MAP3K20: variants seen among roughly 807,000 people sequenced by gnomAD.
MAP3K20 encodes mitogen-activated protein kinase kinase kinase 20.
In MAP3K20, 40 loss-of-function variants were observed where a neutral mutation model predicts 85.7. The observed-to-expected ratio is 0.47, with a 90% CI of 0.36 to 0.61. MAP3K20 has a LOEUF of 0.61. MAP3K20 is among the 20% of genes least tolerant of loss of function. The pLI is 0.00. For missense variants in MAP3K20, 817 were observed against 961.7 expected, an observed-to-expected ratio of 0.85 and a Z score of 1.99; for synonymous variants, 325 against 327.7, an observed-to-expected ratio of 0.99 and a Z score of 0.09.
chr2:173,137,666 G>A (rs1688835487), intron 2 of MAP3K20, among the ~76,000 whole-genome samples: 1 of 151,930 alleles, frequency 6.6e-6, no homozygotes, highest in Non-Finnish European at 1.5e-5. Context: ...ATTCTTTTGA[G>A]AATCTGTGTG....
At chr2:173,199,689 GTT>G (rs1690977453) in intron 8 of MAP3K20, among the ~76,000 whole-genome samples, 1 of 125,826 alleles carries the variant, frequency 7.9e-6, no homozygotes, top group African/African-American at 3.2e-5. Flanking sequence ...ATTTTGTTTT[GTT>G]TTTGTTTTTT....
At chr2:173,093,337 A>C (rs1687356422) in intron 2 of MAP3K20, among the ~76,000 whole-genome samples, 1 of 152,230 alleles carries the variant, frequency 6.6e-6, no homozygotes, top group African/African-American at 2.4e-5. Flanking sequence ...TGGAACACTT[A>C]ATAAAATGTT....
intron 11 of MAP3K20, among the ~76,000 whole-genome samples, chr2:173,220,014 G>A (rs1298651067): frequency 7.1e-6 from 1 of 140,166 alleles, no homozygotes; most frequent in African/African-American, 2.7e-5. Flanking sequence ...GTTGCAGTGA[G>A]CTGAGATAGT....
chr2:173,105,964 A>G (rs1687773369), intron 2 of MAP3K20, among the ~76,000 whole-genome samples: 1 of 152,238 alleles, frequency 6.6e-6, no homozygotes, highest in African/African-American at 2.4e-5. Context: ...GAAAAATGAA[A>G]TGCTGAAGGA....
chr2:173,094,783 T>C (rs1367002294), intron 2 of MAP3K20, among the ~76,000 whole-genome samples: 1 of 152,192 alleles, frequency 6.6e-6, no homozygotes, highest in Non-Finnish European at 1.5e-5. Flanking sequence ...GTTAGTCTCA[T>C]TATTGATGAT....
Position 173,186,332 on chromosome 2 carries a change from A to G in MAP3K20, c.350-1226A>G, listed in dbSNP as rs544336275. Among the ~76,000 whole-genome samples the G allele has an allele frequency of 1.2e-3, 182 of 152,282 alleles. 2 individuals are homozygous for G. Among genetic ancestry groups the G allele is most frequent in the African/African-American group, 4.2e-3 (175 of 41,570 alleles). ...CATATAGATTATTAAATGCTACCCA[A>G]GTTGTAACTATTGAATTTTTGCAGT... On this transcript the variant is annotated intron_variant, in intron 4 of 19. Transcript: ENST00000375213.
intron 7 of MAP3K20, among the ~76,000 whole-genome samples, chr2:173,195,749 T>C (rs1690810373): frequency 6.6e-6 from 1 of 152,114 alleles, no homozygotes; most frequent in African/African-American, 2.4e-5. Flanking sequence ...GATACTGGAA[T>C]TAAACTAAAG....
At chr2:173,123,745 A>G (rs1688363057) in intron 2 of MAP3K20, among the ~76,000 whole-genome samples, 1 of 151,824 alleles carries the variant, frequency 6.6e-6, no homozygotes, top group Non-Finnish European at 1.5e-5. Flanking sequence ...TGTAAATTCA[A>G]CTGATGTTGT....
chr2:173,224,548 TC>T (rs1684334704), intron 11 of MAP3K20: 3 of 985,216 alleles, frequency 3.0e-6, no homozygotes, highest in Non-Finnish European at 3.6e-6. Flanking sequence ...TCACCAGTAT[TC>T]CAGAGATGGT....
chr2:173,199,685 TTTTG>T (rs1690977189), intron 8 of MAP3K20, among the ~76,000 whole-genome samples: 1 of 146,830 alleles, frequency 6.8e-6, no homozygotes, highest in South Asian at 2.1e-4. Flanking sequence ...TTTCATTTTG[TTTTG>T]TTTTTGTTTT....
chr2:173,161,151 C>T (rs552057495), intron 2 of MAP3K20, among the ~76,000 whole-genome samples: 1 of 152,200 alleles, frequency 6.6e-6, no homozygotes, highest in Non-Finnish European at 1.5e-5. Context: ...TTGAAGAATG[C>T]AAAGCAGCAA....
chr2:173,169,802 C>A lies in MAP3K20; in HGVS notation c.160-3C>A. ...GCAACTTTGCATTTTATTTTTTGTACAGGCAGAAATACTCAGTGTCCTCAG... is the reference window on the plus strand; with the variant it reads ...GCAACTTTGCATTTTATTTTTTGTAAAGGCAGAAATACTCAGTGTCCTCAG... On this transcript the variant is annotated splice_polypyrimidine_tract_variant and splice_region_variant and intron_variant, in intron 2 of 19. Transcript: ENST00000375213. 1 of 1,608,950 alleles carries A rather than the reference C, an allele frequency of 6.2e-7. No individual in the cohort carries two copies. Among genetic ancestry groups the A allele is most frequent in the Non-Finnish European group, 8.5e-7 (1 of 1,178,536 alleles).
At position 173,200,721 on chromosome 2, in the gene MAP3K20, G is replaced by A. The variant is rs574370608; in HGVS notation, c.669+2609G>A. Reference sequence around the variant, plus strand: ...TGAGGTAGGAGGATCCCTTGAGTCCGGGAGGTCAAGGCTGCCACCATTATC... The same window carrying A: ...TGAGGTAGGAGGATCCCTTGAGTCCAGGAGGTCAAGGCTGCCACCATTATC... On this transcript the variant is annotated intron_variant, in intron 8 of 19. Transcript: ENST00000375213. Among the ~76,000 whole-genome samples, 12 of 152,198 alleles carry A rather than the reference G, an allele frequency of 7.9e-5. No individual in the cohort carries two copies. The East Asian group carries it at 1.5e-3, about 20-fold the overall frequency.
rs148383240 is a variant in MAP3K20 at position 173,117,209 on chromosome 2, G to A, written c.159+26019G>A. Among the ~76,000 whole-genome samples, 612 of 152,298 alleles carry A rather than the reference G, an allele frequency of 4.0e-3. 3 individuals are homozygous for A. Among genetic ancestry groups the A allele is most frequent in the African/African-American group, 0.014 (581 of 41,582 alleles). On this transcript the variant is annotated intron_variant, in intron 2 of 19. Transcript: ENST00000375213. ...TCTGAAAGAATGAGGAGTGTTTAAG[G>A]TGAGTCTCTTAAGAATGCCTGAAGA... is the stretch of plus-strand genomic sequence containing the variant.
chr2:173,108,041 T>C (rs949497254), intron 2 of MAP3K20, among the ~76,000 whole-genome samples: 2 of 152,228 alleles, frequency 1.3e-5, no homozygotes, highest in Admixed American at 6.5e-5. Context: ...TTCTCTATGG[T>C]GGTTTCTCAT....
At chr2:173,076,765 C>G (rs1461355745) in intron 1 of MAP3K20, among the ~76,000 whole-genome samples, 1 of 152,348 alleles carries the variant, frequency 6.6e-6, no homozygotes, top group East Asian at 1.9e-4. Context: ...GGGATGTCTC[C>G]TTTGGCGACC....
At chr2:173,264,249 G>A (rs1419996904) in intron 19 of MAP3K20, among the ~76,000 whole-genome samples, 1 of 152,150 alleles carries the variant, frequency 6.6e-6, no homozygotes, top group Non-Finnish European at 1.5e-5. Context: ...GATTTAAACT[G>A]TAATAAAATT....
chr2:173,174,909 A>G (rs1266760565), intron 3 of MAP3K20, among the ~76,000 whole-genome samples: 5 of 152,208 alleles, frequency 3.3e-5, no homozygotes, highest in Admixed American at 6.5e-5. Context: ...CAAGTACCCA[A>G]TGGCATAACA....
chr2:173,161,211 T>C (rs1275916905), intron 2 of MAP3K20, among the ~76,000 whole-genome samples: 1 of 152,240 alleles, frequency 6.6e-6, no homozygotes, highest in Admixed American at 6.5e-5. Flanking sequence ...CAACAGTGCC[T>C]ACAAAGAGGC....
Sources: gnomAD v4.1 joint callset for allele counts (sites outside exome capture counted in the v4.1 genomes callset) on GRCh38, gnomAD v4.1.1 for gene constraint, MANE v1.5 for transcripts, NCBI Gene and HGNC (gene_info 2026-07-23, HGNC 2026-07-21) for gene names.